RHOBTB1: variants seen among roughly 807,000 people sequenced by gnomAD.
RHOBTB1 encodes rho-related BTB domain-containing protein 1.
RHOBTB1 carries 40 observed loss-of-function variants against 71.6 expected under a neutral mutation model. That is an observed-to-expected ratio of 0.56 (90% CI 0.43 to 0.73). The LOEUF (loss-of-function observed/expected upper bound fraction) is 0.73. RHOBTB1 is among the 30% of genes least tolerant of loss of function. RHOBTB1 has a pLI of 0.00. For synonymous variants in RHOBTB1, 319 were observed against 334.9 expected (o/e 0.95, Z 0.52); for missense variants, 797 against 894.0 (o/e 0.89, Z 1.38).
chr10:60,993,438 T>G (rs1589478798), intron 1 of RHOBTB1, among the ~76,000 whole-genome samples: 1 of 152,188 alleles, frequency 6.6e-6, no homozygotes. Flanking sequence ...TATATACATA[T>G]GCATATATTC....
At chr10:60,990,906 T>C (rs1172958675) in intron 1 of RHOBTB1, among the ~76,000 whole-genome samples, 2 of 152,320 alleles carry the variant, frequency 1.3e-5, no homozygotes, top group Non-Finnish European at 2.9e-5. Context: ...CCGTGATGTC[T>C]CAAGACATCT....
At chr10:60,913,267 G>C (rs1400416774) in intron 2 of RHOBTB1, among the ~76,000 whole-genome samples, 1 of 152,178 alleles carries the variant, frequency 6.6e-6, no homozygotes, top group East Asian at 1.9e-4. Context: ...GATTTGGCAG[G>C]AATGGAGTAG....
chr10:60,926,986 C>T (rs1031618704), intron 2 of RHOBTB1, among the ~76,000 whole-genome samples: 1 of 152,046 alleles, frequency 6.6e-6, no homozygotes, highest in East Asian at 1.9e-4. Context: ...CACTAAAGAT[C>T]CCACAAAAAA....
chr10:60,910,755 C>G, intron 4 of RHOBTB1, 132 bp downstream of exon 4: 2 of 592,560 alleles, frequency 3.4e-6, no homozygotes, highest in Non-Finnish European at 5.9e-6. Flanking sequence ...TTTTCCTTTT[C>G]TTAGACACAG....
At chr10:60,868,084 A>G (rs536613930), downstream of RHOBTB1, among the ~76,000 whole-genome samples, 6 of 151,654 alleles carry the variant, frequency 4.0e-5, no homozygotes, top group East Asian at 1.2e-3. Context: ...TTCTTTTTAA[A>G]TTGCCCTTTT....
At chr10:60,994,534 C>T (rs2086978264) in intron 1 of RHOBTB1, among the ~76,000 whole-genome samples, 1 of 152,022 alleles carries the variant, frequency 6.6e-6, no homozygotes, top group African/African-American at 2.4e-5. Context: ...TTCACATTTT[C>T]CATAATACTT....
rs113460697 is a variant in RHOBTB1, at chr10:60,931,169, A to T, written c.-11+10635T>A. Among the ~76,000 whole-genome samples, 920 of 152,130 alleles carry T rather than the reference A, an allele frequency of 6.0e-3. 10 individuals carry two copies. The highest frequency in any genetic ancestry group is 0.021 in the African/African-American group (888 of 41,520). On this transcript the variant is annotated intron_variant, in intron 2 of 10. Coordinates refer to ENST00000337910, the MANE Select transcript of RHOBTB1 (RefSeq NM_014836.5). Reference sequence around the variant, plus strand: ...TCTACAATGCACGTCTTATTTTTTTAAAAAAATGTGAGATAAAATCCACGT... The same window carrying T: ...TCTACAATGCACGTCTTATTTTTTTTAAAAAATGTGAGATAAAATCCACGT...
At chr10:60,905,058 G>A (rs970094804) in intron 4 of RHOBTB1, among the ~76,000 whole-genome samples, 5 of 151,916 alleles carry the variant, frequency 3.3e-5, no homozygotes, top group African/African-American at 1.2e-4. Context: ...TCTGCCATTA[G>A]GGCCAGTACT....
At chr10:60,914,224 T>G (rs1342299155) in intron 2 of RHOBTB1, among the ~76,000 whole-genome samples, 1 of 152,086 alleles carries the variant, frequency 6.6e-6, no homozygotes, top group Non-Finnish European at 1.5e-5. Flanking sequence ...AGGTCACAGT[T>G]AATGAGAAGA....
intron 2 of RHOBTB1, among the ~76,000 whole-genome samples, chr10:60,976,957 T>C (rs1432575926): frequency 6.6e-6 from 1 of 152,018 alleles, no homozygotes; most frequent in Non-Finnish European, 1.5e-5. Context: ...CTTTTGCATG[T>C]GGAATTAGGG....
the RHOBTB1 span, among the ~76,000 whole-genome samples, chr10:60,860,972 CA>C: frequency 1.3e-5 from 2 of 152,074 alleles, no homozygotes; most frequent in Non-Finnish European, 2.9e-5. Flanking sequence ...TATAGAAGTT[CA>C]AAAAGTCCTA....
chr10:60,875,907 C>T (rs909034403), intron 8 of RHOBTB1, among the ~76,000 whole-genome samples: 6 of 152,194 alleles, frequency 3.9e-5, no homozygotes, highest in Non-Finnish European at 8.8e-5. Flanking sequence ...CTTGGCTCAG[C>T]ATTTCTAGGT....
intron 2 of RHOBTB1, among the ~76,000 whole-genome samples, chr10:60,956,247 T>C (rs1028656155): frequency 2.6e-5 from 4 of 152,106 alleles, no homozygotes; most frequent in African/African-American, 4.8e-5. Flanking sequence ...AAAGGTACAG[T>C]AAAAATATGA....
chr10:60,865,398 T>C (rs1377861217), downstream of RHOBTB1, among the ~76,000 whole-genome samples: 1 of 152,246 alleles, frequency 6.6e-6, no homozygotes, highest in Non-Finnish European at 1.5e-5. Context: ...TGTAATGTGA[T>C]GCTTTGCTAT....
intron 1 of RHOBTB1, among the ~76,000 whole-genome samples, chr10:60,990,682 T>C (rs555927808): frequency 1.1e-4 from 16 of 152,324 alleles, no homozygotes; most frequent in African/African-American, 2.6e-4. Flanking sequence ...TTTGCTATTC[T>C]TCCATCCTCT....
At chr10:60,995,347 C>T (rs983170879) in intron 1 of RHOBTB1, among the ~76,000 whole-genome samples, 1 of 152,008 alleles carries the variant, frequency 6.6e-6, no homozygotes, top group African/African-American at 2.4e-5. Flanking sequence ...AAATGACTGG[C>T]CTGGGGGAGG....
At position 60,985,523 on chromosome 10, in the gene RHOBTB1, T is replaced by G. The variant is rs1259151637; in HGVS notation, c.-62+322A>C. 2.0e-5 allele frequency among the ~76,000 whole-genome samples: 3 copies of G among 152,214 alleles called. No homozygotes were observed. The East Asian group carries it at 5.8e-4, about 29-fold the overall frequency. On this transcript the variant is annotated intron_variant, in intron 2 of 11. Coordinates refer to the RHOBTB1 transcript ENST00000357917. ...TTTCAGAGTCCACATGTCAATTTCC[T>G]GTACAAAATGCTACGCACTAAAGAA...
Position 60,871,578 on chromosome 10 carries a change from A to G in RHOBTB1, c.1995T>C (p.Arg665=). The G allele has an allele frequency of 6.2e-7, 1 of 1,613,920 alleles. No homozygotes were observed. The highest frequency in any genetic ancestry group is 8.5e-7 in the Non-Finnish European group (1 of 1,179,954). ...CTTCCTTCTCTCGTTCCCTTTTCACACGCTGGTAGTGATCTTCTTCCTTCA... is the reference window on the plus strand; with the variant it reads ...CTTCCTTCTCTCGTTCCCTTTTCACGCGCTGGTAGTGATCTTCTTCCTTCA... ...WYLKEEDHYQ[R]VKREREKEDI... Residue 665 remains arginine (R), a synonymous_variant, in exon 11 of 11, where the codon CGT becomes CGC. Coordinates refer to ENST00000337910, the MANE Select transcript of RHOBTB1 (RefSeq NM_014836.5).
intron 2 of RHOBTB1, among the ~76,000 whole-genome samples, chr10:60,911,900 C>A (rs564151342): frequency 6.6e-6 from 1 of 152,206 alleles, no homozygotes; most frequent in African/African-American, 2.4e-5. Flanking sequence ...TGGATACTCA[C>A]GTTGGCCTGC....
Sources: allele counts gnomAD v4.1 joint callset (sites outside exome capture counted in the v4.1 genomes callset), GRCh38; gene constraint gnomAD v4.1.1; transcripts MANE v1.5; gene names NCBI Gene and HGNC (gene_info 2026-07-23, HGNC 2026-07-21).